The following BMP7 variants were observed in gnomAD, a reference collection of about 807,000 sequenced individuals.
BMP7 encodes osteogenic protein 1.
In BMP7, 12 loss-of-function variants were observed where a neutral mutation model predicts 41.2. That is an observed-to-expected ratio of 0.29 (90% CI 0.19 to 0.47). The LOEUF is 0.47. Among genes scored for constraint, BMP7 ranks in the 20% least tolerant of loss-of-function variants. BMP7 has a pLI of 0.99. For missense variants in BMP7, 467 were observed against 606.0 expected (o/e 0.77, Z 2.41); for synonymous variants, 248 against 250.0 (o/e 0.99, Z 0.07).
chr20:57,264,789 T>C (rs2066168373), intron 1 of BMP7, among the ~76,000 whole-genome samples: 1 of 151,762 alleles, frequency 6.6e-6, no homozygotes, highest in Admixed American at 6.5e-5. Context: ...AGCACCACTT[T>C]GGGAGGCTGA....
intron 2 of BMP7, among the ~76,000 whole-genome samples, chr20:57,210,840 T>C (rs894085117): frequency 6.6e-6 from 1 of 152,244 alleles, no homozygotes; most frequent in Non-Finnish European, 1.5e-5. Flanking sequence ...AAATCCATTC[T>C]GGTCATTTTA....
chr20:57,262,732 C>T (rs781742548), intron 1 of BMP7, among the ~76,000 whole-genome samples: 4 of 152,276 alleles, frequency 2.6e-5, no homozygotes, highest in East Asian at 1.9e-4. Context: ...ATGCCCCCCC[C>T]GCCAAACTCC....
At chr20:57,223,437 G>A (rs1344630607) in intron 2 of BMP7, among the ~76,000 whole-genome samples, 1 of 152,160 alleles carries the variant, frequency 6.6e-6, no homozygotes, top group Non-Finnish European at 1.5e-5. Flanking sequence ...AGCCAAGGCT[G>A]AAAACCAGCT....
At chr20:57,183,698 GT>G (rs1322105203) in intron 4 of BMP7, 23 bp downstream of exon 4, 8 of 1,613,030 alleles carry the variant, frequency 5.0e-6, no homozygotes, top group Non-Finnish European at 5.9e-6. Context: ...TGGTGGGTCT[GT>G]GATCCCTCCC....
At chr20:57,211,140 C>T (rs1434149280) in intron 2 of BMP7, among the ~76,000 whole-genome samples, 1 of 152,244 alleles carries the variant, frequency 6.6e-6, no homozygotes, top group Non-Finnish European at 1.5e-5. Flanking sequence ...TGGGCACCTA[C>T]TGCACACTAG....
At chr20:57,189,482 C>T (rs1291840416) in intron 3 of BMP7, among the ~76,000 whole-genome samples, 19 of 152,282 alleles carry the variant, frequency 1.2e-4, no homozygotes. Context: ...AGTTCACCCA[C>T]ACCTGTGAGG....
At chr20:57,207,675 A>T (rs1018995728) in intron 2 of BMP7, among the ~76,000 whole-genome samples, 1 of 152,246 alleles carries the variant, frequency 6.6e-6, no homozygotes, top group African/African-American at 2.4e-5. Context: ...GGAAGGTGCT[A>T]AGAAACAGAA....
chr20:57,266,213 G>A lies in BMP7; in HGVS notation c.-91C>T. 7.6e-7 allele frequency: 1 copy of A among 1,308,588 alleles called. No homozygotes were observed. The highest frequency in any genetic ancestry group is 9.8e-7 in the Non-Finnish European group (1 of 1,015,860). The allele number at this position is 1,308,588 out of a possible 1,614,324, so 81.1% of individuals were successfully genotyped here. On this transcript the variant is annotated 5_prime_UTR_variant, in exon 1 of 7. Coordinates refer to ENST00000395863, the MANE Select transcript of BMP7 (RefSeq NM_001719.3). ...GGGCAGGCGGCCGTCCGCGCCGCTC[G>A]GTCACTTGCTGCAGACGGGCCCCGC...
chr20:57,234,820 G>A (rs1226927939), intron 1 of BMP7, among the ~76,000 whole-genome samples: 4 of 152,176 alleles, frequency 2.6e-5, no homozygotes, highest in African/African-American at 7.2e-5. Flanking sequence ...TGCTTAGCAG[G>A]GCCTCATAAA....
chr20:57,179,433 C>G (rs932348567), intron 4 of BMP7, among the ~76,000 whole-genome samples: 4 of 152,256 alleles, frequency 2.6e-5, no homozygotes, highest in South Asian at 4.1e-4. Flanking sequence ...GGCTGCTTAC[C>G]AGGGAGCTGG....
chr20:57,214,085 C>T lies in BMP7; in HGVS notation c.612-11462G>A, dbSNP rs967082618. ...AACCATCTTAGAACAAGGTGCGGAG[C>T]GAGCCCTCTGAACCGTATGGTACCT... On this transcript the variant is annotated intron_variant, in intron 2 of 6. Transcript: ENST00000395863. This position sits in a 1 kb window ranked among gnomAD's most constrained non-coding sequence, Gnocchi z 4.0. Among the ~76,000 whole-genome samples the T allele has an allele frequency of 9.9e-5, 15 of 152,276 alleles. No homozygotes were observed. Among genetic ancestry groups the T allele is most frequent in the African/African-American group, 2.4e-4 (10 of 41,564 alleles).
intron 2 of BMP7, among the ~76,000 whole-genome samples, chr20:57,209,818 A>G (rs977542703): frequency 6.6e-6 from 1 of 152,184 alleles, no homozygotes; most frequent in Non-Finnish European, 1.5e-5. Context: ...ACAAGCTAAC[A>G]CATGTACGTC....
At chr20:57,176,968 C>G (rs1189440454) in intron 4 of BMP7, among the ~76,000 whole-genome samples, 5 of 152,182 alleles carry the variant, frequency 3.3e-5, no homozygotes, top group African/African-American at 1.2e-4. Flanking sequence ...TCGCCGAACT[C>G]CCTTCCCTAA....
intron 1 of BMP7, among the ~76,000 whole-genome samples, chr20:57,257,541 T>C (rs983768377): frequency 1.9e-4 from 29 of 152,196 alleles, no homozygotes; most frequent in African/African-American, 6.8e-4. Flanking sequence ...TTTTTGTCTA[T>C]GTTTTATGAA....
chr20:57,172,371 G>A (rs768658912), intron 6 of BMP7, among the ~76,000 whole-genome samples: 18 of 152,204 alleles, frequency 1.2e-4, no homozygotes, highest in Non-Finnish European at 2.9e-5. Flanking sequence ...TGCCCTCAAA[G>A]AGCAGAATCA....
intron 2 of BMP7, among the ~76,000 whole-genome samples, chr20:57,209,988 C>G (rs144209039): frequency 6.6e-6 from 1 of 152,202 alleles, no homozygotes; most frequent in Non-Finnish European, 1.5e-5. Flanking sequence ...GTTTTTTCCA[C>G]TCCTCTAATC....
intron 1 of BMP7, among the ~76,000 whole-genome samples, chr20:57,263,358 C>G (rs980303705): frequency 2.0e-5 from 3 of 152,176 alleles, no homozygotes; most frequent in Non-Finnish European, 4.4e-5. Context: ...GGAAAACCAC[C>G]CAGCTGTGGC....
chr20:57,236,271 G>A (rs896700325), intron 1 of BMP7, among the ~76,000 whole-genome samples: 2 of 152,180 alleles, frequency 1.3e-5, no homozygotes, highest in East Asian at 1.9e-4. Flanking sequence ...GCCCACTGCC[G>A]GCCTGGAATG....
chr20:57,218,074 G>A (rs1469201225), intron 2 of BMP7, among the ~76,000 whole-genome samples: 1 of 152,254 alleles, frequency 6.6e-6, no homozygotes, highest in Non-Finnish European at 1.5e-5. Context: ...GGCTTCATGG[G>A]CATCTGACCC....
Sources: gnomAD v4.1 joint callset for allele counts (sites outside exome capture counted in the v4.1 genomes callset) on GRCh38, gnomAD v4.1.1 for gene constraint, Gnocchi (gnomAD v3.1) non-coding constraint, MANE v1.5 for transcripts, NCBI Gene and HGNC (gene_info 2026-07-23, HGNC 2026-07-21) for gene names.